PGM5: variants seen among roughly 807,000 people sequenced by gnomAD.
The protein encoded by PGM5 is phosphoglucomutase 5.
Under a neutral mutation model 59.2 loss-of-function variants are expected in PGM5, and 23 were observed. The observed-to-expected ratio is 0.39, with a 90% CI of 0.28 to 0.55. The LOEUF (loss-of-function observed/expected upper bound fraction) is 0.55. Among genes scored for constraint, PGM5 ranks in the 20% least tolerant of loss-of-function variants. The pLI, the probability that PGM5 is intolerant of heterozygous loss-of-function variation, is 0.66. For synonymous variants in PGM5, 214 were observed against 286.0 expected, an observed-to-expected ratio of 0.75 and a Z score of 2.54; for missense variants, 574 against 748.3, an observed-to-expected ratio of 0.77 and a Z score of 2.72.
At chr9:68,381,422 T>C (rs1162173987) in intron 2 of PGM5, among the ~76,000 whole-genome samples, 2 of 151,906 alleles carry the variant, frequency 1.3e-5, no homozygotes, top group African/African-American at 4.8e-5. Context: ...AACATCATAA[T>C]CAATTGGGGA....
chr9:68,466,663 G>C (rs568704722), intron 7 of PGM5: 1 of 152,936 alleles, frequency 6.5e-6, no homozygotes. Flanking sequence ...CTGGGTTTGG[G>C]TTTTACTGTT....
chr9:68,511,181 G>T lies in PGM5; in HGVS notation c.1614+11820G>T, dbSNP rs139284381. ...TAGAGCCATTCCAAATTACGTCAAA[G>T]AAATATATTTTGGGGTAAGATGCTT... is the stretch of plus-strand genomic sequence containing the variant. On this transcript the variant is annotated intron_variant, in intron 10 of 10. Coordinates refer to ENST00000396396, the MANE Select transcript of PGM5 (RefSeq NM_021965.4). Among the ~76,000 whole-genome samples, 605 of 152,264 alleles carry T rather than the reference G, an allele frequency of 4.0e-3. 3 individuals are homozygous for T. Among genetic ancestry groups the T allele is most frequent in the Middle Eastern group, 0.014 (4 of 294 alleles).
chr9:68,502,834 T>G (rs1422329300), intron 10 of PGM5, among the ~76,000 whole-genome samples: 7 of 152,042 alleles, frequency 4.6e-5, no homozygotes, highest in African/African-American at 1.7e-4. Flanking sequence ...GGATTACAGG[T>G]GACCGCCACC....
chr9:68,467,013 C>T (rs1480221804), intron 7 of PGM5, among the ~76,000 whole-genome samples: 3 of 152,048 alleles, frequency 2.0e-5, no homozygotes, highest in Admixed American at 6.6e-5. Flanking sequence ...AGGTTTTTAG[C>T]GTGTACACCT....
chr9:68,441,934 A>G (rs1422184851), intron 6 of PGM5, among the ~76,000 whole-genome samples: 1 of 152,228 alleles, frequency 6.6e-6, no homozygotes, highest in Non-Finnish European at 1.5e-5. Flanking sequence ...TCAGTGTTCA[A>G]TTGGAAACTG....
rs1554687371 is a variant in PGM5, at chr9:68,484,058, A to G, written c.1479+10A>G. ...TGTGACCAAGAAACAGGTACTTGCTAGGAAATCACTACAACGGGTTATCAG... is the reference window on the plus strand; with the variant it reads ...TGTGACCAAGAAACAGGTACTTGCTGGGAAATCACTACAACGGGTTATCAG... On this transcript the variant is annotated intron_variant, in intron 9 of 10. Coordinates refer to ENST00000396396, the MANE Select transcript of PGM5 (RefSeq NM_021965.4). 5 of 1,611,216 alleles carry G rather than the reference A, an allele frequency of 3.1e-6. No homozygotes were observed. In the South Asian group the frequency reaches 3.3e-5, roughly 11 times the overall value.
chr9:68,446,818 A>G (rs551874094), intron 6 of PGM5, among the ~76,000 whole-genome samples: 3 of 152,356 alleles, frequency 2.0e-5, no homozygotes, highest in Non-Finnish European at 2.9e-5. Context: ...ACTTGGTCTT[A>G]TAAGTCATTT....
chr9:68,522,766 T>C (rs1824918473), intron 10 of PGM5, among the ~76,000 whole-genome samples: 1 of 152,078 alleles, frequency 6.6e-6, no homozygotes. Context: ...AGACCTGGAG[T>C]ATGGTTACCA....
At chr9:68,389,731 A>C (rs1227261526) in intron 4 of PGM5, among the ~76,000 whole-genome samples, 1 of 152,120 alleles carries the variant, frequency 6.6e-6, no homozygotes, top group Non-Finnish European at 1.5e-5. Flanking sequence ...ACAAGTCTGT[A>C]TGTTTTCATT....
chr9:68,398,328 G>A (rs1176964869), intron 6 of PGM5: 4 of 151,950 alleles, frequency 2.6e-5, no homozygotes, highest in Middle Eastern at 3.2e-3. Flanking sequence ...GAAAGAGATG[G>A]CACCCTCAAA....
intron 6 of PGM5, among the ~76,000 whole-genome samples, chr9:68,455,653 C>A (rs1223449742): frequency 6.6e-5 from 10 of 152,164 alleles, no homozygotes; most frequent in African/African-American, 9.7e-5. Flanking sequence ...GCATAGTTAT[C>A]GGGGAGGGTA....
In PGM5 at chr9:68,457,438, T is replaced by C. The variant is rs537016888; in HGVS notation, c.1044-7655T>C. Among the ~76,000 whole-genome samples, 24 of 152,358 alleles carry C rather than the reference T, an allele frequency of 1.6e-4. No individual in the cohort carries two copies. In the South Asian group the frequency reaches 4.8e-3, roughly 30 times the overall value. On this transcript the variant is annotated intron_variant, in intron 6 of 10. Transcript: ENST00000396396. ...ATACCCATGCCTCACAGAATTACTC[T>C]GTTACTCATAGAGTAGTGAAGCAGC...
At chr9:68,520,922 T>C (rs1381397864) in intron 10 of PGM5, among the ~76,000 whole-genome samples, 1 of 152,258 alleles carries the variant, frequency 6.6e-6, no homozygotes, top group African/African-American at 2.4e-5. Flanking sequence ...GTGATTGTTA[T>C]ATTTAATAAT....
intron 6 of PGM5, chr9:68,426,984 A>G (rs1823249834): frequency 6.6e-6 from 1 of 152,238 alleles, no homozygotes; most frequent in Non-Finnish European, 1.5e-5. Context: ...AATGGAGCTA[A>G]ACAGAGCAGA....
chr9:68,427,595 G>A (rs1219793196), intron 6 of PGM5, among the ~76,000 whole-genome samples: 1 of 152,200 alleles, frequency 6.6e-6, no homozygotes, highest in African/African-American at 2.4e-5. Flanking sequence ...CTTTTCACTT[G>A]TGTATAAATG....
intron 1 of PGM5, among the ~76,000 whole-genome samples, chr9:68,358,808 G>T (rs1169696605): frequency 9.2e-5 from 14 of 152,012 alleles, no homozygotes; most frequent in African/African-American, 3.4e-4. Flanking sequence ...TGGTGTTGGG[G>T]TGGGTAGTGG....
At chr9:68,394,771 A>G (rs1385793039) in intron 6 of PGM5, among the ~76,000 whole-genome samples, 1 of 151,708 alleles carries the variant, frequency 6.6e-6, no homozygotes, top group East Asian at 1.9e-4. Flanking sequence ...CACATGCGCC[A>G]TCATACCCAG....
intron 6 of PGM5, among the ~76,000 whole-genome samples, chr9:68,461,629 A>G (rs1823860588): frequency 6.6e-6 from 1 of 152,142 alleles, no homozygotes; most frequent in African/African-American, 2.4e-5. Context: ...TTTACACAGC[A>G]TTTGGCTAGC....
intron 1 of PGM5, among the ~76,000 whole-genome samples, chr9:68,374,070 C>T (rs1821811176): frequency 6.6e-6 from 1 of 152,300 alleles, no homozygotes; most frequent in Admixed American, 6.5e-5. Context: ...CCTGGCTGGG[C>T]AGCTGTTCCT....
Sources: gnomAD v4.1 joint callset for allele counts (sites outside exome capture counted in the v4.1 genomes callset) on GRCh38, gnomAD v4.1.1 for gene constraint, MANE v1.5 for transcripts, NCBI Gene and HGNC (gene_info 2026-07-23, HGNC 2026-07-21) for gene names.